ADAMTSL1: variants seen among roughly 807,000 people sequenced by gnomAD.
The protein encoded by ADAMTSL1 is ADAMTS like 1, also known as ADAMTS-like protein 1.
ADAMTSL1 carries 126 observed loss-of-function variants against 201.8 expected under a neutral mutation model. The observed-to-expected ratio is 0.62, with a 90% CI of 0.54 to 0.72. ADAMTSL1 has a LOEUF of 0.72. Among genes scored for constraint, ADAMTSL1 ranks in the 30% least tolerant of loss-of-function variants. The pLI, the probability that ADAMTSL1 is intolerant of heterozygous loss-of-function variation, is 0.00. For missense variants in ADAMTSL1, 2,679 were observed against 2,277.8 expected (o/e 1.18, Z -3.59); for synonymous variants, 1,121 against 903.4 (o/e 1.24, Z -4.32).
chr9:18,844,219 G>C (rs904232769), intron 23 of ADAMTSL1, among the ~76,000 whole-genome samples: 16 of 152,130 alleles, frequency 1.1e-4, no homozygotes, highest in South Asian at 2.1e-4. Context: ...TTTTGGTGTG[G>C]ATGTCTTTTC....
intron 1 of ADAMTSL1, among the ~76,000 whole-genome samples, chr9:18,157,860 T>A (rs1827221220): frequency 6.6e-6 from 1 of 152,032 alleles, no homozygotes; most frequent in Non-Finnish European, 1.5e-5. Flanking sequence ...CTTGCAGAGT[T>A]GGCAGCCATT....
At position 18,795,112 on chromosome 9, in the gene ADAMTSL1, T is replaced by G. The variant is rs149477694; in HGVS notation, c.3678-285T>G. Among the ~76,000 whole-genome samples, 17 of 152,352 alleles carry G rather than the reference T, an allele frequency of 1.1e-4. No individual in the cohort carries two copies. The East Asian group carries it at 3.1e-3, about 28-fold the overall frequency. ...GGATATCTGTGTGTGTTATATGTATTTGGTGCACATATGTTGTCTGGTCCA... is the reference window on the plus strand; with the variant it reads ...GGATATCTGTGTGTGTTATATGTATGTGGTGCACATATGTTGTCTGGTCCA... On this transcript the variant is annotated intron_variant, in intron 19 of 28. Coordinates refer to ENST00000380548, the MANE Select transcript of ADAMTSL1 (RefSeq NM_001040272.6).
chr9:18,251,966 T>C (rs1490471439), intron 2 of ADAMTSL1, among the ~76,000 whole-genome samples: 1 of 151,978 alleles, frequency 6.6e-6, no homozygotes, highest in African/African-American at 2.4e-5. Flanking sequence ...TATTACAAAA[T>C]GAATTCCAGA....
chr9:18,541,031 C>G (rs560866326), intron 3 of ADAMTSL1, among the ~76,000 whole-genome samples: 1 of 152,252 alleles, frequency 6.6e-6, no homozygotes, highest in South Asian at 2.1e-4. Flanking sequence ...AGAAATTTCC[C>G]TCATACTATA....
At chr9:18,048,642 A>G (rs960911194) in intron 1 of ADAMTSL1, among the ~76,000 whole-genome samples, 1 of 152,228 alleles carries the variant, frequency 6.6e-6, no homozygotes. Context: ...TTATTCTAAA[A>G]TAAAGTTTAC....
intron 23 of ADAMTSL1, among the ~76,000 whole-genome samples, chr9:18,855,532 T>C (rs1826786775): frequency 6.6e-6 from 1 of 152,218 alleles, no homozygotes; most frequent in Non-Finnish European, 1.5e-5. Context: ...ATAATTGTAT[T>C]CGTGTTCTAG....
Position 18,143,310 on chromosome 9 carries a change from C to A in ADAMTSL1, c.88-20552C>A, listed in dbSNP as rs373471279. On this transcript the variant is annotated intron_variant, in intron 1 of 29. Coordinates refer to the ADAMTSL1 transcript ENST00000680146. The stretch of plus-strand genomic sequence containing the variant: ...CCTTCATTTAGCAATTACACATGGG[C>A]TCTGGTCAATTGGTTCTAATTGAAG... 1.6e-4 allele frequency among the ~76,000 whole-genome samples: 25 copies of A among 152,234 alleles called. 1 individual carries two copies. The highest frequency in any genetic ancestry group is 7.8e-4 in the Admixed American group (12 of 15,288).
chr9:18,187,812 T>A (rs907532657), intron 2 of ADAMTSL1, among the ~76,000 whole-genome samples: 1 of 152,156 alleles, frequency 6.6e-6, no homozygotes, highest in Admixed American at 6.5e-5. Context: ...TGGACTTCAT[T>A]TGCTAATTCA....
intron 1 of ADAMTSL1, among the ~76,000 whole-genome samples, chr9:18,050,030 C>G (rs561986695): frequency 1.3e-5 from 2 of 152,250 alleles, no homozygotes; most frequent in African/African-American, 4.8e-5. Context: ...GATACCATAT[C>G]TATGTTTACA....
At chr9:17,981,969 T>C (rs1248579519) in intron 1 of ADAMTSL1, among the ~76,000 whole-genome samples, 1 of 152,176 alleles carries the variant, frequency 6.6e-6, no homozygotes, top group Non-Finnish European at 1.5e-5. Context: ...AAATCTCAAG[T>C]GTGAGGTATT....
intron 2 of ADAMTSL1, among the ~76,000 whole-genome samples, chr9:18,337,482 C>G (rs547586111): frequency 1.3e-5 from 2 of 152,196 alleles, no homozygotes; most frequent in East Asian, 1.9e-4. Context: ...TCTAGAGAAC[C>G]CTGACAAATA....
intron 4 of ADAMTSL1, 181 bp downstream of exon 4, chr9:18,574,447 G>T (rs1341070): frequency 6.0e-6 from 4 of 671,558 alleles, no homozygotes; most frequent in African/African-American, 3.6e-5. Flanking sequence ...TGTATTGTGC[G>T]AAGGAAAAGT....
chr9:18,352,745 A>G lies in ADAMTSL1; in HGVS notation c.208-152084A>G, dbSNP rs147289125. 4.1e-4 allele frequency among the ~76,000 whole-genome samples: 62 copies of G among 152,332 alleles called. No individual in the cohort carries two copies. In the East Asian group the frequency reaches 0.011, roughly 26 times the overall value. On this transcript the variant is annotated intron_variant, in intron 2 of 29. Coordinates refer to the ADAMTSL1 transcript ENST00000680146. ...TATTTTATTTTTTATTAGGCAATAA[A>G]TACACAGGGTACAAAAATTAGAAGT...
intron 15 of ADAMTSL1, among the ~76,000 whole-genome samples, chr9:18,746,693 G>A (rs1462471944): frequency 6.6e-6 from 1 of 151,046 alleles, no homozygotes; most frequent in Non-Finnish European, 1.5e-5. Flanking sequence ...GTTTCTGGAG[G>A]CAACAGTCAT....
At chr9:18,907,086 GTA>G in intron 28 of ADAMTSL1, 174 bp downstream of exon 28, 1 of 674,028 alleles carries the variant, frequency 1.5e-6, no homozygotes. Context: ...GCAGAGAGGT[GTA>G]TATAAGCATG....
intron 1 of ADAMTSL1, among the ~76,000 whole-genome samples, chr9:17,974,424 A>G (rs1818354008): frequency 6.6e-6 from 1 of 152,190 alleles, no homozygotes; most frequent in South Asian, 2.1e-4. Context: ...ATTTTCTGCA[A>G]TACGGTGTAA....
At chr9:18,223,440 A>G (rs1830335874) in intron 2 of ADAMTSL1, among the ~76,000 whole-genome samples, 1 of 151,874 alleles carries the variant, frequency 6.6e-6, no homozygotes. Flanking sequence ...TTTTCATTTT[A>G]TTTTCTTTAC....
At chr9:18,512,954 C>T (rs555100292) in intron 2 of ADAMTSL1, among the ~76,000 whole-genome samples, 1 of 152,290 alleles carries the variant, frequency 6.6e-6, no homozygotes, top group South Asian at 2.1e-4. Context: ...TGATATTAAA[C>T]ATCTCTACAA....
intron 23 of ADAMTSL1, among the ~76,000 whole-genome samples, chr9:18,861,267 A>G (rs1002782355): frequency 6.6e-6 from 1 of 152,222 alleles, no homozygotes; most frequent in East Asian, 1.9e-4. Flanking sequence ...GGGAAGCCCA[A>G]AAAGAACTGA....
Sources: allele counts gnomAD v4.1 joint callset (sites outside exome capture counted in the v4.1 genomes callset), GRCh38; gene constraint gnomAD v4.1.1; transcripts MANE v1.5; gene names NCBI Gene and HGNC (gene_info 2026-07-23, HGNC 2026-07-21).